Variants in CDH20 observed in about 807,000 individuals in gnomAD.
The protein encoded by CDH20 is cadherin 20.
Under a neutral mutation model 74.2 loss-of-function variants are expected in CDH20, and 29 were observed. That is an observed-to-expected ratio of 0.39 (90% confidence interval 0.29 to 0.53). The LOEUF (loss-of-function observed/expected upper bound fraction) is 0.53. Among genes scored for constraint, CDH20 ranks in the 20% least tolerant of loss-of-function variants. The pLI is 0.69. For synonymous variants in CDH20, 469 were observed against 405.4 expected (o/e 1.16, Z -1.88); for missense variants, 988 against 1,048.3 (o/e 0.94, Z 0.79).
intron 1 of CDH20, among the ~76,000 whole-genome samples, chr18:61,388,232 G>C (rs143826014): frequency 1.3e-5 from 2 of 152,166 alleles, no homozygotes; most frequent in Admixed American, 6.5e-5. Context: ...TGGCCAAGAA[G>C]AGTGTTCCAA....
intron 1 of CDH20, among the ~76,000 whole-genome samples, chr18:61,403,315 C>G (rs539686113): frequency 1.3e-5 from 2 of 152,272 alleles, no homozygotes; most frequent in East Asian, 3.9e-4. Flanking sequence ...GGCAATTAAG[C>G]TAAAAAGGTC....
At chr18:61,339,416 G>A (rs1909863991) in intron 1 of CDH20, among the ~76,000 whole-genome samples, 2 of 151,188 alleles carry the variant, frequency 1.3e-5, no homozygotes, top group African/African-American at 4.9e-5. Flanking sequence ...GGAGAGATTG[G>A]ACTTCTAGTG....
At position 61,367,983 on chromosome 18, in the gene CDH20, T is replaced by C. The variant is rs182760380; in HGVS notation, c.-153+34156T>C. On this transcript the variant is annotated intron_variant, in intron 1 of 11. Coordinates refer to ENST00000262717, the MANE Select transcript of CDH20 (RefSeq NM_031891.4). ...GACACCAGTCATATTTGATTAGGAC[T>C]TACTCTGATGACCTCATTTTAACCT... 1.9e-3 allele frequency among the ~76,000 whole-genome samples: 285 copies of C among 152,248 alleles called. 4 individuals are homozygous for C. The highest frequency in any genetic ancestry group is 0.015 in the South Asian group (70 of 4,818).
rs533878376 is a variant in CDH20 at position 61,454,243 on chromosome 18, G to A, written c.-152-36159G>A. ...ATGTGGTTTCCAAATCTTTTATCCC[G>A]CTCTGTTAGCTTATGTATCTTATTT... is the stretch of plus-strand genomic sequence containing the variant. On this transcript the variant is annotated intron_variant, in intron 1 of 11. Coordinates refer to ENST00000262717, the MANE Select transcript of CDH20 (RefSeq NM_031891.4). Among the ~76,000 whole-genome samples, 21 of 151,976 alleles carry A rather than the reference G, an allele frequency of 1.4e-4. No homozygotes were observed. In the South Asian group the frequency reaches 1.9e-3, roughly 14 times the overall value.
intron 1 of CDH20, among the ~76,000 whole-genome samples, chr18:61,469,722 C>T (rs1034232006): frequency 1.3e-5 from 2 of 152,182 alleles, no homozygotes; most frequent in Admixed American, 1.3e-4. Context: ...TCACCCATGC[C>T]ATTGCATGTT....
chr18:61,351,388 C>G (rs528482104), intron 1 of CDH20, among the ~76,000 whole-genome samples: 1 of 152,266 alleles, frequency 6.6e-6, no homozygotes, highest in African/African-American at 2.4e-5. Context: ...TTGCCTCTCC[C>G]TGAGCAAGTT....
chr18:61,392,082 G>C (rs999456115), intron 1 of CDH20, among the ~76,000 whole-genome samples: 1 of 152,034 alleles, frequency 6.6e-6, no homozygotes, highest in African/African-American at 2.4e-5. Flanking sequence ...TGCTCAGAAA[G>C]ATTACTGCCC....
chr18:61,476,426 C>T lies in CDH20; in HGVS notation c.-152-13976C>T, dbSNP rs140160593. On this transcript the variant is annotated intron_variant, in intron 1 of 11. Transcript: ENST00000262717. ...CATGAAAAACCCCACACCAGAATCACGTAGCCAAGATATATCCAAATTCCT... is the reference window on the plus strand; with the variant it reads ...CATGAAAAACCCCACACCAGAATCATGTAGCCAAGATATATCCAAATTCCT... 3.4e-4 allele frequency among the ~76,000 whole-genome samples: 51 copies of T among 152,204 alleles called. No individual in the cohort carries two copies. The East Asian group carries it at 5.8e-3, about 17-fold the overall frequency.
chr18:61,407,461 G>A (rs936615380), intron 1 of CDH20, among the ~76,000 whole-genome samples: 2 of 152,164 alleles, frequency 1.3e-5, no homozygotes, highest in Non-Finnish European at 2.9e-5. Context: ...TCAACAACAA[G>A]AATTAAGCCT....
intron 1 of CDH20, among the ~76,000 whole-genome samples, chr18:61,477,328 A>G (rs1910425327): frequency 6.6e-6 from 1 of 152,234 alleles, no homozygotes; most frequent in African/African-American, 2.4e-5. Flanking sequence ...GGATCTGTAG[A>G]TAATGGATAC....
chr18:61,350,868 A>C (rs1910281406), intron 1 of CDH20, among the ~76,000 whole-genome samples: 1 of 152,182 alleles, frequency 6.6e-6, no homozygotes, highest in Admixed American at 6.5e-5. Flanking sequence ...AGTGTTTCAC[A>C]GTTAGTAATA....
At chr18:61,471,068 A>C (rs1910158083) in intron 1 of CDH20, among the ~76,000 whole-genome samples, 1 of 152,206 alleles carries the variant, frequency 6.6e-6, no homozygotes, top group South Asian at 2.1e-4. Context: ...TTATGATGAA[A>C]AAGAGGTCAT....
At chr18:61,407,850 G>A (rs1912379708) in intron 1 of CDH20, among the ~76,000 whole-genome samples, 1 of 152,184 alleles carries the variant, frequency 6.6e-6, no homozygotes, top group Admixed American at 6.5e-5. Flanking sequence ...GACATGACAA[G>A]CAAATGTAAT....
chr18:61,438,370 G>A (rs991342231), intron 1 of CDH20, among the ~76,000 whole-genome samples: 2 of 11,816 alleles, frequency 1.7e-4, no homozygotes, highest in Non-Finnish European at 5.2e-4. Flanking sequence ...GGTTCCTGGA[G>A]AGGGTATAAC....
intron 1 of CDH20, among the ~76,000 whole-genome samples, chr18:61,472,536 G>A (rs887603565): frequency 6.6e-6 from 1 of 152,172 alleles, no homozygotes; most frequent in Non-Finnish European, 1.5e-5. Context: ...TGCAAAAATA[G>A]CGCACTCCGT....
intron 1 of CDH20, among the ~76,000 whole-genome samples, chr18:61,379,719 T>G (rs1911368137): frequency 6.6e-6 from 1 of 152,170 alleles, no homozygotes; most frequent in East Asian, 1.9e-4. Context: ...TTTCCTCATC[T>G]AGTGTCTTTG....
At position 61,333,622 on chromosome 18, in the gene CDH20, CTT is replaced by C. The variant is rs1909640889; in HGVS notation, c.-356_-355del. On this transcript the variant is annotated 5_prime_UTR_variant, in exon 1 of 12. Coordinates refer to ENST00000262717, the MANE Select transcript of CDH20 (RefSeq NM_031891.4). ...CCAACTCCTGGCAACCGCACGGAGA[CTT>C]TGCGAAACATCCGAAGGCAGAAAAG... 1 of 137,748 alleles carries C rather than the reference CTT, an allele frequency of 7.3e-6. No individual in the cohort carries two copies. Among genetic ancestry groups the C allele is most frequent in the Non-Finnish European group, 1.5e-5 (1 of 66,810 alleles). 8.5% of individuals were successfully genotyped at this position (137,748 alleles called of 1,614,324 possible). A position where few individuals can be genotyped will look rare whatever the true frequency, so the allele number is the denominator to read the frequency against.
chr18:61,535,675 C>G (rs1912796049), intron 7 of CDH20, among the ~76,000 whole-genome samples: 1 of 152,182 alleles, frequency 6.6e-6, no homozygotes, highest in South Asian at 2.1e-4. Flanking sequence ...GCACAGGTGC[C>G]TATAAATGTC....
At chr18:61,376,879 G>C (rs1911252949) in intron 1 of CDH20, among the ~76,000 whole-genome samples, 1 of 152,186 alleles carries the variant, frequency 6.6e-6, no homozygotes, top group Non-Finnish European at 1.5e-5. Context: ...TTGGTTATGT[G>C]TGGAGGGGAG....
Sources: allele counts gnomAD v4.1 joint callset (sites outside exome capture counted in the v4.1 genomes callset), GRCh38; gene constraint gnomAD v4.1.1; transcripts MANE v1.5; gene names NCBI Gene and HGNC (gene_info 2026-07-23, HGNC 2026-07-21).